CDH18: variants seen among roughly 807,000 people sequenced by gnomAD.
CDH18 encodes the protein cadherin 18, also known as cadherin-18.
CDH18 carries 31 observed loss-of-function variants against 67.9 expected under a neutral mutation model. That is an observed-to-expected ratio of 0.46 (90% CI 0.34 to 0.62). The LOEUF (loss-of-function observed/expected upper bound fraction) is 0.62. Ranked by LOEUF, CDH18 falls within the 20% of genes least tolerant of loss-of-function variation. The pLI, the probability that CDH18 is intolerant of heterozygous loss-of-function variation, is 0.01. For synonymous variants in CDH18, 362 were observed against 347.2 expected, an observed-to-expected ratio of 1.04 and a Z score of -0.48; for missense variants, 890 against 975.5, an observed-to-expected ratio of 0.91 and a Z score of 1.17.
At chr5:20,050,672 G>T (rs1297603778) in intron 2 of CDH18, among the ~76,000 whole-genome samples, 3 of 151,712 alleles carry the variant, frequency 2.0e-5, no homozygotes, top group Admixed American at 1.3e-4. Context: ...CTTTCCTAAG[G>T]TCAATAAGAA....
intron 1 of CDH18, among the ~76,000 whole-genome samples, chr5:20,345,582 T>A (rs534829550): frequency 2.6e-5 from 4 of 152,288 alleles, no homozygotes; most frequent in African/African-American, 9.6e-5. Flanking sequence ...TCTGCTTATA[T>A]TATGAATGGC....
intron 2 of CDH18, among the ~76,000 whole-genome samples, chr5:20,031,506 C>T (rs550876641): frequency 4.4e-4 from 67 of 152,084 alleles, no homozygotes; most frequent in African/African-American, 1.5e-3. Flanking sequence ...ACTTACACCT[C>T]ATAAAGTGAG....
rs144099143 is a variant in CDH18 at position 19,627,109 on chromosome 5, G to A, written c.644-14508C>T. ...TCTTTTCTCAACTCCATGTTCAATC[G>A]TGTCACCTTGGTAACTTGAAAATCA... On this transcript the variant is annotated intron_variant, in intron 5 of 12. Transcript: ENST00000382275. Among the ~76,000 whole-genome samples, 465 of 152,074 alleles carry A rather than the reference G, an allele frequency of 3.1e-3. 2 individuals are homozygous for A. The highest frequency in any genetic ancestry group is 0.01 in the African/African-American group (429 of 41,488).
intron 1 of CDH18, among the ~76,000 whole-genome samples, chr5:20,418,952 C>T (rs183422951): frequency 1.3e-5 from 2 of 152,030 alleles, no homozygotes; most frequent in Admixed American, 1.3e-4. Flanking sequence ...TTTCACTATG[C>T]GAGGACAGAG....
chr5:20,418,817 C>T (rs1267818270), intron 1 of CDH18, among the ~76,000 whole-genome samples: 1 of 152,090 alleles, frequency 6.6e-6, no homozygotes, highest in Non-Finnish European at 1.5e-5. Flanking sequence ...TTGAAATCCT[C>T]ACGTCCTAAT....
intron 9 of CDH18, among the ~76,000 whole-genome samples, chr5:19,541,789 G>A (rs1014656300): frequency 5.9e-5 from 9 of 152,058 alleles, no homozygotes; most frequent in Admixed American, 1.3e-4. Flanking sequence ...GGAATTATGC[G>A]AGCTACAATT....
intron 5 of CDH18, among the ~76,000 whole-genome samples, chr5:19,707,841 G>T (rs1255092869): frequency 6.6e-6 from 1 of 152,190 alleles, no homozygotes; most frequent in Non-Finnish European, 1.5e-5. Flanking sequence ...ACAGGCAGAG[G>T]TGCTGCACAA....
chr5:19,586,964 T>C (rs1744255380), intron 7 of CDH18, among the ~76,000 whole-genome samples: 2 of 152,126 alleles, frequency 1.3e-5, no homozygotes, highest in Non-Finnish European at 2.9e-5. Flanking sequence ...ATCAGTGATG[T>C]TGAGCTTTTT....
intron 3 of CDH18, among the ~76,000 whole-genome samples, chr5:19,817,608 T>G (rs1480747826): frequency 1.3e-5 from 2 of 152,060 alleles, no homozygotes; most frequent in Non-Finnish European, 2.9e-5. Flanking sequence ...ATCACTGCAA[T>G]CATTAATATG....
chr5:19,807,668 G>A (rs956718003), intron 3 of CDH18, among the ~76,000 whole-genome samples: 2 of 151,962 alleles, frequency 1.3e-5, no homozygotes, highest in African/African-American at 4.8e-5. Flanking sequence ...TCTCCACCAC[G>A]AACACTTATC....
At chr5:20,305,665 A>C in intron 1 of CDH18, 2 of 398,442 alleles carry the variant, frequency 5.0e-6, no homozygotes, top group Non-Finnish European at 9.3e-6. Flanking sequence ...GAGCGGCGGT[A>C]GGGGAGATCC....
At chr5:20,480,709 A>G (rs1752740423) in intron 1 of CDH18, among the ~76,000 whole-genome samples, 1 of 152,116 alleles carries the variant, frequency 6.6e-6, no homozygotes, top group Admixed American at 6.6e-5. Flanking sequence ...ACCAAAGTAT[A>G]GAGTTTTTAT....
At chr5:19,529,464 T>A (rs2126966864) in intron 9 of CDH18, among the ~76,000 whole-genome samples, 1 of 152,126 alleles carries the variant, frequency 6.6e-6, no homozygotes, top group African/African-American at 2.4e-5. Flanking sequence ...ACACTATCTT[T>A]AGGGTTATAG....
chr5:20,198,048 G>C (rs549884085), intron 2 of CDH18, among the ~76,000 whole-genome samples: 1 of 152,100 alleles, frequency 6.6e-6, no homozygotes, highest in African/African-American at 2.4e-5. Flanking sequence ...AGAGGTGCCT[G>C]CCACCCTGAT....
chr5:19,657,955 C>A (rs1561555352), intron 5 of CDH18, among the ~76,000 whole-genome samples: 1 of 152,060 alleles, frequency 6.6e-6, no homozygotes, highest in African/African-American at 2.4e-5. Flanking sequence ...TTAGTCCTGG[C>A]ATAAGAGGGC....
intron 4 of CDH18, among the ~76,000 whole-genome samples, chr5:19,738,820 A>G (rs1768711017): frequency 6.6e-6 from 1 of 152,166 alleles, no homozygotes; most frequent in East Asian, 1.9e-4. Flanking sequence ...AATAATCTAT[A>G]CAACAAACCC....
intron 1 of CDH18, among the ~76,000 whole-genome samples, chr5:20,266,571 A>ATTTTTTTTTTTTTTTTTTTTTTT (rs34718835): frequency 5.1e-4 from 30 of 59,184 alleles, no homozygotes; most frequent in South Asian, 9.7e-4. Flanking sequence ...GCCCGGCTGA[A>ATTTTTTTTTTTTTTTTTTTTTTT]TTTTTTTTTT....
chr5:20,273,157 G>A (rs75226513), intron 1 of CDH18, among the ~76,000 whole-genome samples: 3,573 of 151,836 alleles, frequency 0.024, 131 homozygotes, highest in African/African-American at 0.082. Flanking sequence ...AACATTTTTT[G>A]TTTTGTAAAA....
At chr5:19,478,525 ATCT>A (rs1738873744) in intron 12 of CDH18, 1 of 152,114 alleles carries the variant, frequency 6.6e-6, no homozygotes, top group Non-Finnish European at 1.5e-5. Flanking sequence ...CACCAATTCC[ATCT>A]TCTTCTCTTA....
Sources: allele counts gnomAD v4.1 joint callset (sites outside exome capture counted in the v4.1 genomes callset), GRCh38; gene constraint gnomAD v4.1.1; transcripts MANE v1.5; gene names NCBI Gene and HGNC (gene_info 2026-07-23, HGNC 2026-07-21).